The following UBAP2 variants were observed in gnomAD, a reference collection of about 807,000 sequenced individuals.
The protein encoded by UBAP2 is ubiquitin-associated protein 2.
Under a neutral mutation model 139.6 loss-of-function variants are expected in UBAP2, and 75 were observed. The observed-to-expected ratio is 0.54, with a 90% CI of 0.45 to 0.65. The LOEUF (loss-of-function observed/expected upper bound fraction) is 0.65. Ranked by LOEUF, UBAP2 falls within the 30% of genes least tolerant of loss-of-function variation. The pLI is 0.00. For missense variants in UBAP2, 1,368 were observed against 1,369.6 expected, an observed-to-expected ratio of 1.00 and a Z score of 0.02; for synonymous variants, 526 against 526.2, an observed-to-expected ratio of 1.00 and a Z score of 0.01.
chr9:34,035,817 T>C (rs2131347747), intron 1 of UBAP2, among the ~76,000 whole-genome samples: 1 of 152,094 alleles, frequency 6.6e-6, no homozygotes, highest in Non-Finnish European at 1.5e-5. Context: ...CCAGCCTTGG[T>C]ATTCTCCTAA....
intron 1 of UBAP2, among the ~76,000 whole-genome samples, chr9:34,032,744 C>T (rs1825992934): frequency 6.6e-6 from 1 of 151,928 alleles, no homozygotes. Context: ...GCCAACATGT[C>T]AAAACCCTAT....
At chr9:34,001,052 T>C (rs35998187) in intron 2 of UBAP2, among the ~76,000 whole-genome samples, 19,286 of 152,168 alleles carry the variant, frequency 0.13, 1,562 homozygotes, top group African/African-American at 0.22. Context: ...TAAGTCCCAG[T>C]GCCACAGCCA....
At chr9:34,012,399 C>T (rs1251801415) in intron 2 of UBAP2, among the ~76,000 whole-genome samples, 3 of 151,996 alleles carry the variant, frequency 2.0e-5, no homozygotes, top group Non-Finnish European at 4.4e-5. Context: ...GGCATGGTGG[C>T]GCATGCCTAT....
At chr9:34,016,201 G>T (rs1393754593) in intron 2 of UBAP2, among the ~76,000 whole-genome samples, 2 of 146,162 alleles carry the variant, frequency 1.4e-5, no homozygotes, top group African/African-American at 5.0e-5. Flanking sequence ...ATAGAAGGAA[G>T]AGGAGGAATA....
intron 22 of UBAP2, 66 bp downstream of exon 22, chr9:33,926,547 AAGAC>A: frequency 6.4e-7 from 1 of 1,563,030 alleles, no homozygotes; most frequent in Non-Finnish European, 8.8e-7. Flanking sequence ...TGTGGCAGCC[AAGAC>A]CATAAGAGGG....
At chr9:33,963,661 G>GA (rs893208796) in intron 9 of UBAP2, 65 bp downstream of exon 9, 1 of 956,192 alleles carries the variant, frequency 1.0e-6, no homozygotes, top group Admixed American at 2.1e-5. Flanking sequence ...GATAAAAAAT[G>GA]AAAGATATTG....
intron 1 of UBAP2, among the ~76,000 whole-genome samples, chr9:34,033,378 CAT>C (rs1377099349): frequency 6.6e-6 from 1 of 152,104 alleles, no homozygotes; most frequent in African/African-American, 2.4e-5. Context: ...ACAAACATCA[CAT>C]GTTCTCACTT....
intron 13 of UBAP2, 104 bp from the exon 14 acceptor site, chr9:33,944,743 G>T: frequency 7.3e-7 from 1 of 1,361,822 alleles, no homozygotes; most frequent in Non-Finnish European, 9.9e-7. Flanking sequence ...ATCATTTCCA[G>T]TTGAATTTCT....
intron 9 of UBAP2, 36 bp downstream of exon 9, chr9:33,963,687 ATTC>A (rs767042603): frequency 8.8e-6 from 11 of 1,250,500 alleles, no homozygotes; most frequent in Non-Finnish European, 1.3e-5. Flanking sequence ...AATTTATAAG[ATTC>A]TTAATTTTAA....
chr9:33,974,125 G>C (rs1049644771), intron 6 of UBAP2, among the ~76,000 whole-genome samples: 1 of 152,162 alleles, frequency 6.6e-6, no homozygotes, highest in African/African-American at 2.4e-5. Context: ...AGGAGTTGGA[G>C]GTTGCAGTGA....
At chr9:33,998,927 C>T (rs1162587375) in intron 2 of UBAP2, 63 bp from the exon 3 acceptor site, 2 of 1,398,058 alleles carry the variant, frequency 1.4e-6, no homozygotes, top group African/African-American at 2.8e-5. Context: ...ATTCCAAAAT[C>T]TGGGTCAAAC....
chr9:33,980,220 CTTTTTTTTTTTTTTT>C (rs1173781682), intron 6 of UBAP2, among the ~76,000 whole-genome samples: 62 of 49,144 alleles, frequency 1.3e-3, no homozygotes, highest in African/African-American at 3.7e-3. Context: ...AGTGTCATTT[CTTTTTTTTTTTTTTT>C]TTTTTTTTTT....
intron 23 of UBAP2, 25 bp downstream of exon 23, chr9:33,924,181 C>A (rs1352742329): frequency 1.2e-6 from 2 of 1,613,102 alleles, no homozygotes; most frequent in South Asian, 2.2e-5. Context: ...CCCCGGGCTA[C>A]TCCTCATCCA....
At chr9:33,974,341 T>C (rs759796278) in intron 6 of UBAP2, among the ~76,000 whole-genome samples, 2 of 151,994 alleles carry the variant, frequency 1.3e-5, no homozygotes, top group African/African-American at 2.4e-5. Flanking sequence ...ACCTTGTCTC[T>C]ACAAAAAATA....
chr9:34,016,370 C>CGGCGGCGGT (rs1321174650), intron 2 of UBAP2, among the ~76,000 whole-genome samples: 6 of 93,732 alleles, frequency 6.4e-5, no homozygotes, highest in African/African-American at 2.4e-4. Flanking sequence ...GCGGCAGCGG[C>CGGCGGCGGT]GGTGGTGGTG....
chr9:34,009,031 C>T (rs72729318), intron 2 of UBAP2, among the ~76,000 whole-genome samples: 20,281 of 146,294 alleles, frequency 0.14, 1,541 homozygotes, highest in Non-Finnish European at 0.16. Context: ...CTATCTCTAT[C>T]GTTCTTTGCA....
At chr9:33,948,307 T>C (rs1305405409) in intron 13 of UBAP2, 67 bp downstream of exon 13, 4 of 1,408,866 alleles carry the variant, frequency 2.8e-6, no homozygotes, top group Non-Finnish European at 3.8e-6. Flanking sequence ...TCTTCACAAG[T>C]CAACACACTC....
At chr9:33,949,726 C>T (rs764139529) in intron 12 of UBAP2, among the ~76,000 whole-genome samples, 2 of 152,028 alleles carry the variant, frequency 1.3e-5, no homozygotes, top group South Asian at 2.1e-4. Flanking sequence ...CGCGCATGCA[C>T]GCGCACACAC....
At position 33,923,370 on chromosome 9, in the gene UBAP2, A is replaced by ACC. The variant is rs747760727; in HGVS notation, c.2896+7_2896+8dup. ...CCCCATGTGTCTCTGTCTGGGAAGT[A>ACC]CCCCTCACCTGTACTGTAGCCGTGC... On this transcript the variant is annotated intron_variant, in intron 25 of 28. Coordinates refer to ENST00000379238, the MANE Select transcript of UBAP2 (RefSeq NM_001370062.2). 3 of 1,613,862 alleles carry ACC rather than the reference A, an allele frequency of 1.9e-6. No homozygotes were observed. In the South Asian group the frequency reaches 3.3e-5, roughly 18 times the overall value.
Sources: allele counts gnomAD v4.1 joint callset (sites outside exome capture counted in the v4.1 genomes callset), GRCh38; gene constraint gnomAD v4.1.1; transcripts MANE v1.5; gene names NCBI Gene and HGNC (gene_info 2026-07-23, HGNC 2026-07-21).